Variants in PIEZO1 observed in about 807,000 individuals in gnomAD.
The protein encoded by PIEZO1 is piezo type mechanosensitive ion channel component 1 (Er blood group).
In PIEZO1, 296 loss-of-function variants were observed where a neutral mutation model predicts 297.2. That is an observed-to-expected ratio of 1.00 (90% CI 0.91 to 1.10). The LOEUF (loss-of-function observed/expected upper bound fraction) is 1.10, where lower values mean the gene tolerates loss of function less well. Ranked by LOEUF, PIEZO1 falls within the 50% of genes least tolerant of loss-of-function variation. The pLI is 0.00. For missense variants in PIEZO1, 5,018 were observed against 3,455.5 expected (o/e 1.45, Z -11.34); for synonymous variants, 2,427 against 1,507.5 (o/e 1.61, Z -14.13).
At chr16:88,774,054 G>A (rs10445033) in intron 1 of PIEZO1, among the ~76,000 whole-genome samples, 75,921 of 152,088 alleles carry the variant, frequency 0.5, 20,823 homozygotes, top group Middle Eastern at 0.66. Context: ...TTCTGTGCCC[G>A]GCGATAAGGT....
chr16:88,737,398 G>A (rs1223215234), intron 10 of PIEZO1, 161 bp downstream of exon 10: 3 of 571,816 alleles, frequency 5.2e-6, no homozygotes, highest in East Asian at 3.1e-5. Flanking sequence ...GGGGTCTCGG[G>A]GGTCACTGAC....
chr16:88,780,929 C>T (rs1216236924), intron 1 of PIEZO1, among the ~76,000 whole-genome samples: 3 of 152,228 alleles, frequency 2.0e-5, no homozygotes, highest in Non-Finnish European at 4.4e-5. Context: ...TACACTCCAG[C>T]CTGGGCGACA....
chr16:88,769,269 C>T (rs1271813066), intron 1 of PIEZO1, among the ~76,000 whole-genome samples: 1 of 152,198 alleles, frequency 6.6e-6, no homozygotes, highest in Non-Finnish European at 1.5e-5. Flanking sequence ...CCAGGCTGCT[C>T]TCAAACTCCT....
In PIEZO1 at chr16:88,726,860, A is replaced by C; in HGVS notation, c.3554T>G (p.Phe1185Cys). The change falls in exon 25 of 51, where the codon TTC becomes TGC. Residue 1185 changes from phenylalanine (F) to cysteine (C), a missense_variant. Coordinates refer to ENST00000301015, the MANE Select transcript of PIEZO1 (RefSeq NM_001142864.4). ...FVTGATRISI[F>C]GLGYLLACFY... Reference sequence around the variant, plus strand: ...GCAGGCCAGCAGGTAGCCCAGCCCGAAGATGCTGATGCGGGTGGCCCCCGT... The same window carrying C: ...GCAGGCCAGCAGGTAGCCCAGCCCGCAGATGCTGATGCGGGTGGCCCCCGT... The C allele has an allele frequency of 3.9e-6, 6 of 1,550,416 alleles. No homozygotes were observed. The highest frequency in any genetic ancestry group is 1.2e-5 in the South Asian group (1 of 84,060).
Position 88,735,256 on chromosome 16 carries a change from G to A in PIEZO1, c.1558-10C>T, listed in dbSNP as rs1349955469. The A allele has an allele frequency of 6.5e-7, 1 of 1,533,292 alleles. No homozygotes were observed. Among genetic ancestry groups the A allele is most frequent in the African/African-American group, 1.4e-5 (1 of 72,802 alleles). The allele number at this position is 1,533,292 out of a possible 1,614,324, so 95.0% of individuals were successfully genotyped here. On this transcript the variant is annotated splice_polypyrimidine_tract_variant and intron_variant, in intron 12 of 50. Transcript: ENST00000301015. ...TCAGGGTGTAGAGCAACTGTGACAA[G>A]CGCAGGGTGTCACAGTCAGCCGGGG...
rs776939319 is a variant in PIEZO1, at chr16:88,734,345, C to A, written c.2180+11G>T. Reference sequence around the variant, plus strand: ...CCTCTCCAGGGCCGGACAGGGAGGGCGGGGCCGCACCTGTGAGCCCAGCGC... The same window carrying A: ...CCTCTCCAGGGCCGGACAGGGAGGGAGGGGCCGCACCTGTGAGCCCAGCGC... On this transcript the variant is annotated intron_variant, in intron 16 of 50. Transcript: ENST00000301015. The A allele has an allele frequency of 6.6e-7, 1 of 1,506,182 alleles. No homozygotes were observed. Among genetic ancestry groups the A allele is most frequent in the African/African-American group, 1.4e-5 (1 of 72,320 alleles). The allele number at this position is 1,506,182 out of a possible 1,614,324, so 93.3% of individuals were successfully genotyped here. A position where few individuals can be genotyped will look rare whatever the true frequency, so the allele number is the denominator to read the frequency against.
chr16:88,781,366 C>T (rs886562574), intron 1 of PIEZO1, among the ~76,000 whole-genome samples: 2 of 152,230 alleles, frequency 1.3e-5, no homozygotes, highest in Non-Finnish European at 2.9e-5. Context: ...TGACCCGCTG[C>T]GGGACGAGCA....
intron 20 of PIEZO1, 23 bp downstream of exon 20, chr16:88,732,584 C>T (rs760820321): frequency 4.7e-5 from 72 of 1,543,830 alleles, no homozygotes; most frequent in South Asian, 3.6e-5. Context: ...CCCGCCCAGC[C>T]GCCCACCAGC....
chr16:88,766,034 C>G (rs553758415), intron 1 of PIEZO1, among the ~76,000 whole-genome samples: 1 of 152,180 alleles, frequency 6.6e-6, no homozygotes, highest in African/African-American at 2.4e-5. Context: ...ACATCACATG[C>G]GAGTCAGCGC....
rs62639697 is a variant in PIEZO1 at position 88,733,990 on chromosome 16, G to C, written c.2245C>G (p.Gln749Glu). 64 of 1,191,830 alleles carry C rather than the reference G, an allele frequency of 5.4e-5. No homozygotes were observed. Among genetic ancestry groups the C allele is most frequent in the African/African-American group, 1.4e-4 (9 of 64,086 alleles). The allele number at this position is 1,191,830 out of a possible 1,614,324, so 73.8% of individuals were successfully genotyped here. Residue 749 changes from glutamine to glutamate, a missense_variant, in exon 17 of 51, where the codon CAG (glutamine) becomes GAG (glutamate). Gln to Glu is a conservative substitution (Grantham distance 29). Coordinates refer to ENST00000301015, the MANE Select transcript of PIEZO1 (RefSeq NM_001142864.4). ...TCCTCCTCCTCCTCCTCCTCCTCCTGCTGCTGCTGCTGATGCTCCTGCTGC... is the reference window on the plus strand; with the variant it reads ...TCCTCCTCCTCCTCCTCCTCCTCCTCCTGCTGCTGCTGATGCTCCTGCTGC... ...EEQQEHQQQQ[Q>E]EEEEEEEDSR... is the part of the protein sequence containing the mutation.
chr16:88,720,715 T>C lies in PIEZO1; in HGVS notation c.5702A>G (p.Glu1901Gly). ...AEDREEEEGE[E>G]EKEAPTGREK... ...TCTCCCCGTGGGGGCCTCTTTCTCT[T>C]CCTCCCCCTCTTCTTCCTCCCTGTC... is the stretch of plus-strand genomic sequence containing the variant. The change falls in exon 40 of 51, where the codon GAA (glutamate) becomes GGA (glycine). Residue 1901 changes from glutamate (E) to glycine (G), a missense_variant. Glu to Gly is a moderately conservative substitution (Grantham distance 98). Transcript: ENST00000301015. The C allele has an allele frequency of 6.5e-7, 1 of 1,529,096 alleles. No homozygotes were observed. The highest frequency in any genetic ancestry group is 8.8e-7 in the Non-Finnish European group (1 of 1,137,982). 94.7% of individuals were successfully genotyped at this position (1,529,096 alleles called of 1,614,324 possible). A position where few individuals can be genotyped will look rare whatever the true frequency, so the allele number is the denominator to read the frequency against.
chr16:88,735,289 C>T (rs1905135501), intron 12 of PIEZO1, 43 bp from the exon 13 acceptor site: 5 of 1,373,704 alleles, frequency 3.6e-6, no homozygotes, highest in Non-Finnish European at 4.1e-6. Flanking sequence ...GGGGGCCCAG[C>T]ACCCCTCCCA....
intron 34 of PIEZO1, 36 bp from the exon 35 acceptor site, chr16:88,722,725 A>C (rs1464622411): frequency 2.0e-6 from 3 of 1,531,390 alleles, no homozygotes; most frequent in Non-Finnish European, 1.8e-6. Context: ...GGCTGCGTCC[A>C]GCTCTTGTCC....
chr16:88,723,091 G>C lies in PIEZO1; in HGVS notation c.4495+4C>G, dbSNP rs140520334. On this transcript the variant is annotated splice_donor_region_variant and intron_variant, in intron 33 of 50. Coordinates refer to ENST00000301015, the MANE Select transcript of PIEZO1 (RefSeq NM_001142864.4). ...TCCCACTCCCCAGCCCCGGGCCCAC[G>C]TACCTGCCGCTGCCTCCTCGGGGCC... The C allele has an allele frequency of 6.5e-7, 1 of 1,547,390 alleles. No individual in the cohort carries two copies. Among genetic ancestry groups the C allele is most frequent in the East Asian group, 2.4e-5 (1 of 40,910 alleles).
Position 88,716,238 on chromosome 16 carries a change from GGGGGCACGGATGTACTT to G in PIEZO1, c.7072_7088del (p.Lys2358GlnfsTer15). Reference sequence around the variant, plus strand: ...TCACAGGGTTGGCTTCGGGCCCGTTGGGGGCACGGATGTACTTGGGGAAGAGATTAGGGATGACCCTG... The same window carrying G: ...TCACAGGGTTGGCTTCGGGCCCGTTGGGGGAAGAGATTAGGGATGACCCTG... On this transcript the variant is annotated frameshift_variant, in exon 49 of 51. Transcript: ENST00000301015. LOFTEE classifies it high-confidence loss of function. 1.3e-6 allele frequency: 2 copies of G among 1,496,722 alleles called. No individual in the cohort carries two copies. The highest frequency in any genetic ancestry group is 1.8e-6 in the Non-Finnish European group (2 of 1,117,440). 92.7% of individuals were successfully genotyped at this position (1,496,722 alleles called of 1,614,324 possible). A position where few individuals can be genotyped will look rare whatever the true frequency, so the allele number is the denominator to read the frequency against.
At position 88,716,422 on chromosome 16, in the gene PIEZO1, G is replaced by A. The variant is rs780507176; in HGVS notation, c.6988C>T (p.Pro2330Ser). Residue 2330 changes from proline (P) to serine (S), a missense_variant, in exon 48 of 51, where the codon CCC (proline) becomes TCC (serine). Pro to Ser is a moderately conservative substitution (Grantham distance 74). Transcript: ENST00000301015. ...AGCTGCCGCCGTGCAGTGCTGTTGG[G>A]GGCCAGGGCCAGCATGTGCTTCTCG... ...ANEKHMLALA[P>S]NSTARRQLAS... is the part of the protein sequence containing the mutation. 1 of 1,549,762 alleles carries A rather than the reference G, an allele frequency of 6.5e-7. No homozygotes were observed. The highest frequency in any genetic ancestry group is 1.2e-5 in the South Asian group (1 of 83,952).
At chr16:88,739,216 TA>T (rs1905469509) in intron 5 of PIEZO1, 2 of 156,992 alleles carry the variant, frequency 1.3e-5, no homozygotes, top group Admixed American at 1.3e-4. Context: ...GCCTGGAAGA[TA>T]GGGGTGGTAC....
At chr16:88,762,457 G>A (rs767204298) in intron 1 of PIEZO1, among the ~76,000 whole-genome samples, 7 of 152,236 alleles carry the variant, frequency 4.6e-5, no homozygotes, top group East Asian at 1.9e-4. Context: ...CCTGCTGCTC[G>A]ACAATCCCGG....
chr16:88,730,712 G>A (rs1204677023), intron 22 of PIEZO1, among the ~76,000 whole-genome samples: 3 of 152,104 alleles, frequency 2.0e-5, no homozygotes, highest in Admixed American at 6.6e-5. Flanking sequence ...CATCACAGGC[G>A]TGAACCACCA....
Sources: allele counts gnomAD v4.1 joint callset (sites outside exome capture counted in the v4.1 genomes callset), GRCh38; gene constraint gnomAD v4.1.1; transcripts MANE v1.5; gene names NCBI Gene and HGNC (gene_info 2026-07-23, HGNC 2026-07-21).